Variants in LRRFIP1 observed in about 807,000 individuals in gnomAD.
LRRFIP1 encodes LRR binding FLII interacting protein 1.
LRRFIP1 carries 62 observed loss-of-function variants against 104.4 expected under a neutral mutation model. The ratio of observed to expected loss-of-function variants is 0.59; its 90% CI spans 0.48 to 0.73. The LOEUF is 0.73. Among genes scored for constraint, LRRFIP1 ranks in the 30% least tolerant of loss-of-function variants. LRRFIP1 has a pLI of 0.00. For synonymous variants in LRRFIP1, 300 were observed against 299.0 expected (o/e 1.00, Z -0.03); for missense variants, 796 against 824.5 (o/e 0.97, Z 0.42).
chr2:237,760,657 C>T (rs2059763004), intron 19 of LRRFIP1, among the ~76,000 whole-genome samples: 1 of 152,196 alleles, frequency 6.6e-6, no homozygotes, highest in South Asian at 2.1e-4. Flanking sequence ...CCAACATCGA[C>T]ATCCTGGGCA....
intron 1 of LRRFIP1, among the ~76,000 whole-genome samples, chr2:237,644,966 T>C (rs1456973383): frequency 6.6e-6 from 1 of 152,240 alleles, no homozygotes; most frequent in African/African-American, 2.4e-5. Context: ...TTACTGAGGA[T>C]GCTGACCTCG....
chr2:237,752,207 A>G (rs1286368424), intron 14 of LRRFIP1, among the ~76,000 whole-genome samples: 1 of 152,130 alleles, frequency 6.6e-6, no homozygotes, highest in Non-Finnish European at 1.5e-5. Flanking sequence ...GGAGTTTGAG[A>G]CCAGCCTGGC....
At position 237,719,505 on chromosome 2, in the gene LRRFIP1, C is replaced by G; in HGVS notation, c.250-18C>G. 4 of 1,608,326 alleles carry G rather than the reference C, an allele frequency of 2.5e-6. No homozygotes were observed. The highest frequency in any genetic ancestry group is 3.4e-6 in the Non-Finnish European group (4 of 1,175,040). ...TCCATCTGTCTCTAACCTTTTCATG[C>G]TGTTTCTTCATTGTTAGGAAGACAG... On this transcript the variant is annotated intron_variant, in intron 4 of 23. Coordinates refer to ENST00000308482, the MANE Select transcript of LRRFIP1 (RefSeq NM_001137550.2).
intron 23 of LRRFIP1, among the ~76,000 whole-genome samples, chr2:237,775,032 G>A (rs934625876): frequency 7.9e-5 from 12 of 152,242 alleles, no homozygotes; most frequent in African/African-American, 2.2e-4. Flanking sequence ...TACAGCACCC[G>A]TTGCATGCCG....
chr2:237,729,785 C>T (rs55884617), intron 8 of LRRFIP1: 286 of 985,354 alleles, frequency 2.9e-4, no homozygotes, highest in Non-Finnish European at 3.2e-4. Context: ...CTCAGAATTC[C>T]AGCTACAGCG....
intron 11 of LRRFIP1, among the ~76,000 whole-genome samples, chr2:237,740,675 C>G (rs772521060): frequency 6.6e-6 from 1 of 152,102 alleles, no homozygotes; most frequent in African/African-American, 2.4e-5. Context: ...TGTGAGGTTT[C>G]CTACCTCGCA....
intron 9 of LRRFIP1, among the ~76,000 whole-genome samples, chr2:237,734,367 G>A (rs13417551): frequency 7.6e-5 from 10 of 131,014 alleles, no homozygotes; most frequent in Admixed American, 4.5e-4. Flanking sequence ...TGCAACCTAC[G>A]CCTCCCAGGT....
chr2:237,679,068 T>G (rs2091505503), intron 1 of LRRFIP1, among the ~76,000 whole-genome samples: 2 of 152,186 alleles, frequency 1.3e-5, no homozygotes, highest in Admixed American at 1.3e-4. Context: ...GTCACCACAG[T>G]AGACAATTGT....
Position 237,733,817 on chromosome 2 carries a change from G to C in LRRFIP1, c.488G>C (p.Arg163Pro), listed in dbSNP as rs201910589. 2 of 1,613,944 alleles carry C rather than the reference G, an allele frequency of 1.2e-6. No individual in the cohort carries two copies. The highest frequency in any genetic ancestry group is 1.3e-5 in the African/African-American group (1 of 75,042). ...YSAARPSGSY[R>P]ASVLDEGSFG... ...GCTGCCCGGCCTTCGGGGAGTTACC[G>C]GGTGCGTGTGCTGCCCACCCTGCTG... Residue 163 changes from arginine to proline, a missense_variant and splice_region_variant, in exon 9 of 24, where the codon CGG (arginine) becomes CCG (proline). Transcript: ENST00000308482.
chr2:237,742,203 C>T (rs1007278597), intron 11 of LRRFIP1, among the ~76,000 whole-genome samples: 1 of 152,200 alleles, frequency 6.6e-6, no homozygotes, highest in African/African-American at 2.4e-5. Flanking sequence ...GTGAGTTCAG[C>T]CTTCCTGGGC....
chr2:237,639,080 G>A (rs148346353), intron 1 of LRRFIP1, among the ~76,000 whole-genome samples: 11 of 152,346 alleles, frequency 7.2e-5, no homozygotes, highest in East Asian at 1.9e-4. Context: ...GCTGCAGGGC[G>A]TGCTGCCTGG....
chr2:237,715,193 T>C (rs2094279945), intron 3 of LRRFIP1, among the ~76,000 whole-genome samples: 1 of 152,212 alleles, frequency 6.6e-6, no homozygotes, highest in Admixed American at 6.5e-5. Context: ...GCTGGAGCCC[T>C]GCACTCTGCA....
intron 1 of LRRFIP1, among the ~76,000 whole-genome samples, chr2:237,687,771 T>G (rs1430613159): frequency 6.6e-6 from 1 of 152,200 alleles, no homozygotes; most frequent in Non-Finnish European, 1.5e-5. Flanking sequence ...GAAAAATGAC[T>G]TCATGTTAGT....
In LRRFIP1 at chr2:237,634,805, T is replaced by G. The variant is rs541399624; in HGVS notation, c.96+7065T>G. On this transcript the variant is annotated intron_variant, in intron 1 of 23. Transcript: ENST00000308482. ...TCTGCCTACATATCTAGCTTATCTA[T>G]CTATATATCTACATATCTCCATAAA... 9.8e-5 allele frequency among the ~76,000 whole-genome samples: 15 copies of G among 152,344 alleles called. No individual in the cohort carries two copies. In the South Asian group the frequency reaches 2.9e-3, roughly 29 times the overall value.
intron 23 of LRRFIP1, among the ~76,000 whole-genome samples, chr2:237,778,644 G>A (rs1348094204): frequency 1.3e-5 from 2 of 152,200 alleles, no homozygotes; most frequent in East Asian, 1.9e-4. Flanking sequence ...CCCACTGGGC[G>A]TGTGGCTCAC....
At chr2:237,657,933 A>G (rs1682157573) in intron 1 of LRRFIP1, among the ~76,000 whole-genome samples, 1 of 152,160 alleles carries the variant, frequency 6.6e-6, no homozygotes. Flanking sequence ...ACTTTTTTAA[A>G]CCCCAAGGTT....
intron 1 of LRRFIP1, among the ~76,000 whole-genome samples, chr2:237,629,916 A>G (rs2082113982): frequency 6.6e-6 from 1 of 152,170 alleles, no homozygotes. Flanking sequence ...GGGCTTTCAA[A>G]TGACATAGTT....
At chr2:237,692,459 A>C in intron 1 of LRRFIP1, 3 of 1,527,822 alleles carry the variant, frequency 2.0e-6, no homozygotes, top group Non-Finnish European at 2.6e-6. Flanking sequence ...CGGCAGGATG[A>C]CCAGCCCCGC....
chr2:237,692,014 G>A (rs2092808547), intron 1 of LRRFIP1: 3 of 224,200 alleles, frequency 1.3e-5, no homozygotes, highest in Non-Finnish European at 2.2e-5. Flanking sequence ...GGGCGTAACC[G>A]GGAGGGACCC....
Sources: allele counts gnomAD v4.1 joint callset (sites outside exome capture counted in the v4.1 genomes callset), GRCh38; gene constraint gnomAD v4.1.1; transcripts MANE v1.5; gene names NCBI Gene and HGNC (gene_info 2026-07-23, HGNC 2026-07-21).